The following SMARCC1 variants were observed in gnomAD, a reference collection of about 807,000 sequenced individuals.
SMARCC1 encodes the protein SWI/SNF related BAF chromatin remodeling complex subunit C1.
Under a neutral mutation model 147.4 loss-of-function variants are expected in SMARCC1, and 43 were observed. The observed-to-expected ratio is 0.29, with a 90% CI of 0.23 to 0.38. SMARCC1 has a LOEUF of 0.38. SMARCC1 is among the 10% of genes least tolerant of loss of function. The probability of loss-of-function intolerance (pLI) is 1.00; values close to 1 mark genes in which losing one functional copy is unlikely to be tolerated. For missense variants in SMARCC1, 1,119 were observed against 1,381.1 expected (o/e 0.81, Z 3.01); for synonymous variants, 495 against 484.4 (o/e 1.02, Z -0.29).
chr3:47,709,966 C>G (rs1051335135), intron 9 of SMARCC1, among the ~76,000 whole-genome samples: 1 of 152,124 alleles, frequency 6.6e-6, no homozygotes, highest in African/African-American at 2.4e-5. Flanking sequence ...TAACTGTTAA[C>G]ATGTTTAAGG....
intron 6 of SMARCC1, among the ~76,000 whole-genome samples, chr3:47,725,755 C>A (rs935747781): frequency 4.6e-5 from 7 of 151,894 alleles, no homozygotes; most frequent in Admixed American, 3.3e-4. Context: ...CCCAGCCCAA[C>A]TGTGCATTTT....
chr3:47,628,485 G>A (rs181818364), intron 24 of SMARCC1, among the ~76,000 whole-genome samples: 88 of 152,240 alleles, frequency 5.8e-4, no homozygotes, highest in Middle Eastern at 3.4e-3. Flanking sequence ...CAAAAATTGG[G>A]GGCTTTGTTC....
intron 2 of SMARCC1, among the ~76,000 whole-genome samples, chr3:47,750,702 T>C (rs539275404): frequency 1.6e-4 from 25 of 152,264 alleles, no homozygotes; most frequent in Admixed American, 1.6e-3. Flanking sequence ...ATGTGCCACC[T>C]GACAACATAG....
At chr3:47,719,519 G>C (rs994489643) in intron 7 of SMARCC1, among the ~76,000 whole-genome samples, 5 of 151,892 alleles carry the variant, frequency 3.3e-5, no homozygotes, top group Admixed American at 2.6e-4. Context: ...TGACCAGCAT[G>C]GTGAAACCCC....
chr3:47,759,849 A>C (rs2034753326), intron 2 of SMARCC1, among the ~76,000 whole-genome samples: 1 of 152,014 alleles, frequency 6.6e-6, no homozygotes, highest in South Asian at 2.1e-4. Context: ...ACGCAGGAGA[A>C]TCGCTTGAAC....
chr3:47,698,376 A>G (rs1383370548), intron 11 of SMARCC1, among the ~76,000 whole-genome samples: 1 of 152,138 alleles, frequency 6.6e-6, no homozygotes, highest in Non-Finnish European at 1.5e-5. Flanking sequence ...TGTTCTTTCG[A>G]AGACAGAGAA....
chr3:47,681,720 A>G (rs2033646652), intron 14 of SMARCC1, among the ~76,000 whole-genome samples: 1 of 152,218 alleles, frequency 6.6e-6, no homozygotes, highest in Non-Finnish European at 1.5e-5. Context: ...GTCAAATACT[A>G]TAAATACAAT....
intron 26 of SMARCC1, among the ~76,000 whole-genome samples, chr3:47,595,244 C>T (rs527535865): frequency 1.3e-5 from 2 of 152,218 alleles, no homozygotes; most frequent in South Asian, 2.1e-4. Flanking sequence ...AAACACATGG[C>T]CAAGCGGGCG....
Position 47,745,995 on chromosome 3 carries a change from TAAA to T in SMARCC1, c.316-5_316-3del. ...TTTGAAATCCATGAAACACTTTGCCTAAAAATGATACAAATTACACATGAGAAA... is the reference window on the plus strand; with the variant it reads ...TTTGAAATCCATGAAACACTTTGCCTAATGATACAAATTACACATGAGAAA... On this transcript the variant is annotated splice_region_variant and splice_polypyrimidine_tract_variant and intron_variant, in intron 2 of 27. Coordinates refer to ENST00000254480, the MANE Select transcript of SMARCC1 (RefSeq NM_003074.4). 6.4e-7 allele frequency: 1 copy of T among 1,559,026 alleles called. No homozygotes were observed. Among genetic ancestry groups the T allele is most frequent in the Non-Finnish European group, 8.7e-7 (1 of 1,155,860 alleles).
At chr3:47,741,323 AT>A (rs1178632194) in intron 3 of SMARCC1, among the ~76,000 whole-genome samples, 2 of 130,614 alleles carry the variant, frequency 1.5e-5, no homozygotes, top group African/African-American at 5.3e-5. Context: ...AGATATAAAA[AT>A]CATTTATGAG....
At chr3:47,658,650 A>G (rs1176350100) in intron 21 of SMARCC1, among the ~76,000 whole-genome samples, 2 of 152,166 alleles carry the variant, frequency 1.3e-5, no homozygotes, top group Non-Finnish European at 2.9e-5. Context: ...GATATACCAC[A>G]TTTTGCTTAT....
intron 21 of SMARCC1, among the ~76,000 whole-genome samples, chr3:47,659,150 A>T (rs958641269): frequency 4.6e-5 from 7 of 151,164 alleles, no homozygotes; most frequent in Non-Finnish European, 1.0e-4. Flanking sequence ...AGAGAGAGAC[A>T]GAATCAGTAA....
At chr3:47,772,615 T>C (rs1180052342) in intron 2 of SMARCC1, among the ~76,000 whole-genome samples, 1 of 152,130 alleles carries the variant, frequency 6.6e-6, no homozygotes, top group African/African-American at 2.4e-5. Flanking sequence ...TGCTGCAATA[T>C]TTAATGCAAA....
At chr3:47,676,493 TAC>T (rs1377021715) in intron 17 of SMARCC1, 134 bp downstream of exon 17, 1 of 667,764 alleles carries the variant, frequency 1.5e-6, no homozygotes, top group Non-Finnish European at 2.5e-6. Flanking sequence ...TACACCAAAA[TAC>T]ACACACAAGC....
intron 2 of SMARCC1, among the ~76,000 whole-genome samples, chr3:47,758,384 A>C (rs1367995629): frequency 6.6e-6 from 1 of 151,800 alleles, no homozygotes; most frequent in African/African-American, 2.4e-5. Context: ...GCCTCGCAAA[A>C]AAAAAAAAAC....
intron 26 of SMARCC1, among the ~76,000 whole-genome samples, chr3:47,597,150 C>CAA (rs34360182): frequency 3.3e-4 from 23 of 70,456 alleles, no homozygotes; most frequent in Admixed American, 1.5e-3. Flanking sequence ...GACTCAGTCT[C>CAA]AAAAAAAAAA....
At chr3:47,646,989 G>A (rs1273854128) in intron 21 of SMARCC1, among the ~76,000 whole-genome samples, 1 of 152,120 alleles carries the variant, frequency 6.6e-6, no homozygotes, top group Admixed American at 6.6e-5. Context: ...TGTTTCTTCT[G>A]CATGAGCCTC....
At chr3:47,642,706 G>A (rs956452080) in intron 21 of SMARCC1, among the ~76,000 whole-genome samples, 1 of 152,142 alleles carries the variant, frequency 6.6e-6, no homozygotes, top group Non-Finnish European at 1.5e-5. Flanking sequence ...GGATCAAGTG[G>A]TGCTGCCTGG....
In SMARCC1 at chr3:47,590,761, G is replaced by A; in HGVS notation, c.3120C>T (p.Asn1040=). The change falls in exon 27 of 28, where the codon AAC becomes AAT. Residue 1040 remains asparagine (N), a synonymous_variant. Coordinates refer to ENST00000254480, the MANE Select transcript of SMARCC1 (RefSeq NM_003074.4). ...TAGGGCCACTCCCAGAGGGGTGGAT[G>A]TTGGCTGCAACAGTGGGAATCATGC... The part of the protein sequence containing the change: ...PGRMIPTVAA[N]IHPSGSGPTP... 1 of 1,604,306 alleles carries A rather than the reference G, an allele frequency of 6.2e-7. No homozygotes were observed. The highest frequency in any genetic ancestry group is 8.5e-7 in the Non-Finnish European group (1 of 1,176,164).
Sources: allele counts gnomAD v4.1 joint callset (sites outside exome capture counted in the v4.1 genomes callset), GRCh38; gene constraint gnomAD v4.1.1; transcripts MANE v1.5; gene names NCBI Gene and HGNC (gene_info 2026-07-23, HGNC 2026-07-21).